MRAP2: variants seen among roughly 807,000 people sequenced by gnomAD.
MRAP2 encodes the protein melanocortin-2 receptor accessory protein 2.
Under a neutral mutation model 17.4 loss-of-function variants are expected in MRAP2, and 20 were observed. The ratio of observed to expected loss-of-function variants is 1.15; its 90% CI spans 0.81 to 1.67. The LOEUF (loss-of-function observed/expected upper bound fraction) is 1.67. Ranked by LOEUF, MRAP2 falls within the 40% of genes most tolerant of loss-of-function variation. The pLI is 0.00. For missense variants in MRAP2, 238 were observed against 240.0 expected, an observed-to-expected ratio of 0.99 and a Z score of 0.05; for synonymous variants, 96 against 88.4, an observed-to-expected ratio of 1.09 and a Z score of -0.48.
intron 2 of MRAP2, among the ~76,000 whole-genome samples, chr6:84,055,774 A>G (rs1210756231): frequency 6.6e-6 from 1 of 152,208 alleles, no homozygotes; most frequent in African/African-American, 2.4e-5. Flanking sequence ...TATCAAAAAT[A>G]TGTATAAAAA....
At chr6:84,126,527 T>G in the MRAP2 span, 2 of 1,476,934 alleles carry the variant, frequency 1.4e-6, no homozygotes, top group Non-Finnish European at 1.8e-6. Context: ...AATTGACATA[T>G]GAAGCAAATG....
At chr6:84,120,872 G>A in the MRAP2 span, among the ~76,000 whole-genome samples, 21 of 152,060 alleles carry the variant, frequency 1.4e-4, no homozygotes, top group African/African-American at 5.1e-4. Context: ...ATAGCAAACT[G>A]TAATACTTTT....
At chr6:84,095,693 A>C (rs1376849377), downstream of MRAP2, among the ~76,000 whole-genome samples, 3 of 152,208 alleles carry the variant, frequency 2.0e-5, no homozygotes, top group Non-Finnish European at 2.9e-5. Flanking sequence ...CCTGTCACCC[A>C]GAAAAGATGT....
chr6:84,063,187 AT>A (rs1339524283), intron 3 of MRAP2, 195 bp downstream of exon 3: 1 of 985,180 alleles, frequency 1.0e-6, no homozygotes, highest in Non-Finnish European at 1.2e-6. Context: ...TCTTGGGCTT[AT>A]TTTCAAGTGG....
chr6:84,097,325 T>G, the MRAP2 span, among the ~76,000 whole-genome samples: 2 of 152,232 alleles, frequency 1.3e-5, no homozygotes, highest in Admixed American at 1.3e-4. Context: ...CACTGTGTTG[T>G]CAGCTCACAA....
intron 2 of MRAP2, 43 bp downstream of exon 2, chr6:84,055,488 C>A (rs1472502845): frequency 1.3e-6 from 2 of 1,581,170 alleles, no homozygotes; most frequent in African/African-American, 1.4e-5. Flanking sequence ...AATTGTATTT[C>A]TCTTAACCTG....
At position 84,034,775 on chromosome 6, in the gene MRAP2, C is replaced by T. The variant is rs1040996386; in HGVS notation, c.-8+892C>T. On this transcript the variant is annotated intron_variant, in intron 1 of 3. Transcript: ENST00000257776. ...GCATAAATTAATTCTTACGAAAACC[C>T]CAAAAGTAAACAGTAGTATTTTCAG... Among the ~76,000 whole-genome samples, 8 of 152,054 alleles carry T rather than the reference C, an allele frequency of 5.3e-5. No individual in the cohort carries two copies. The South Asian group carries it at 1.7e-3, about 32-fold the overall frequency.
In MRAP2 at chr6:84,083,401, A is replaced by G. The variant is rs551979795; in HGVS notation, c.228-5690A>G. Among the ~76,000 whole-genome samples, 5 of 152,372 alleles carry G rather than the reference A, an allele frequency of 3.3e-5. No homozygotes were observed. In the South Asian group the frequency reaches 1.0e-3, roughly 32 times the overall value. The stretch of plus-strand genomic sequence containing the variant: ...GTGAATATCAGGTGTTCACCTAAGT[A>G]AGAATCTTAAAGTTAAATATATGGG... On this transcript the variant is annotated intron_variant, in intron 3 of 3. Transcript: ENST00000257776.
chr6:84,066,182 G>T (rs369065162), intron 3 of MRAP2, among the ~76,000 whole-genome samples: 33 of 152,248 alleles, frequency 2.2e-4, no homozygotes, highest in African/African-American at 6.0e-4. Context: ...TGTCTTTGAT[G>T]ATTATTCTGA....
At chr6:84,116,868 G>A in the MRAP2 span, among the ~76,000 whole-genome samples, 13 of 152,266 alleles carry the variant, frequency 8.5e-5, no homozygotes, top group East Asian at 1.5e-3. Context: ...GCTTTTTGAT[G>A]TACTGCTGAA....
chr6:84,093,820 T>C (rs1319059126), downstream of MRAP2, among the ~76,000 whole-genome samples: 1 of 152,242 alleles, frequency 6.6e-6, no homozygotes, highest in East Asian at 1.9e-4. Flanking sequence ...AGTTTAAGTC[T>C]AAGTATGCAT....
At chr6:84,109,947 CT>C in the MRAP2 span, among the ~76,000 whole-genome samples, 1 of 152,282 alleles carries the variant, frequency 6.6e-6, no homozygotes, top group Non-Finnish European at 1.5e-5. Flanking sequence ...TTTTTTATGG[CT>C]GCATAGTATT....
chr6:84,050,608 T>C (rs144916452), intron 1 of MRAP2, among the ~76,000 whole-genome samples: 1 of 152,322 alleles, frequency 6.6e-6, no homozygotes, highest in East Asian at 1.9e-4. Flanking sequence ...CTTTGGTTTC[T>C]CAAGTCTCCT....
intron 1 of MRAP2, among the ~76,000 whole-genome samples, chr6:84,055,017 T>G (rs1316311785): frequency 6.6e-6 from 1 of 152,196 alleles, no homozygotes; most frequent in Non-Finnish European, 1.5e-5. Context: ...CTTTCCTTCT[T>G]TCCTTCATCA....
At chr6:84,105,503 G>A in the MRAP2 span, among the ~76,000 whole-genome samples, 1 of 152,156 alleles carries the variant, frequency 6.6e-6, no homozygotes, top group Non-Finnish European at 1.5e-5. Flanking sequence ...GCATGGGAAA[G>A]ACTTGCCCCC....
chr6:84,093,489 A>G (rs1456862492), downstream of MRAP2, among the ~76,000 whole-genome samples: 1 of 152,220 alleles, frequency 6.6e-6, no homozygotes, highest in Non-Finnish European at 1.5e-5. Flanking sequence ...GTAATCTTCC[A>G]GGATGGAAAT....
chr6:84,078,839 A>G (rs971403060), intron 3 of MRAP2, among the ~76,000 whole-genome samples: 1 of 152,212 alleles, frequency 6.6e-6, no homozygotes, highest in Admixed American at 6.5e-5. Flanking sequence ...CCAGGGGCAT[A>G]CCCTTGAACT....
chr6:84,126,408 T>C, the MRAP2 span: 10 of 1,603,896 alleles, frequency 6.2e-6, no homozygotes, highest in Non-Finnish European at 8.5e-6. Flanking sequence ...TTTGTGCATG[T>C]CTCATTTCCA....
chr6:84,095,628 A>G (rs537029012), downstream of MRAP2, among the ~76,000 whole-genome samples: 5 of 152,290 alleles, frequency 3.3e-5, no homozygotes, highest in South Asian at 1.0e-3. Context: ...TGTGTATGTG[A>G]GCTATTTTAT....
Sources: allele counts gnomAD v4.1 joint callset (sites outside exome capture counted in the v4.1 genomes callset), GRCh38; gene constraint gnomAD v4.1.1; transcripts MANE v1.5; gene names NCBI Gene and HGNC (gene_info 2026-07-23, HGNC 2026-07-21).